The following C5AR2 variants were observed in gnomAD, a reference collection of about 807,000 sequenced individuals.
C5AR2 encodes complement C5a receptor 2, also known as C5a anaphylatoxin chemotactic receptor 2.
For missense variants in C5AR2, 458 were observed against 467.5 expected (o/e 0.98, Z 0.19); for synonymous variants, 224 against 216.5 (o/e 1.03, Z -0.30).
rs1568670327 is a variant in C5AR2, at chr19:47,340,848, TCGGACCGCC to T, written c.51_59del (p.Asp18_Pro20del). 4 of 1,613,652 alleles carry T rather than the reference TCGGACCGCC, an allele frequency of 2.5e-6. No individual in the cohort carries two copies. The highest frequency in any genetic ancestry group is 3.4e-6 in the Non-Finnish European group (4 of 1,180,000). ...CGAGTATGGGGATTACAGCGACCTC[TCGGACCGCC>T]CTGTGGACTGCCTGGATGGCGCCTG... On this transcript the variant is annotated inframe_deletion, in exon 2 of 2. Transcript: ENST00000595464.
At chr19:47,338,882 G>A (rs1489107798) in intron 1 of C5AR2, among the ~76,000 whole-genome samples, 1 of 151,064 alleles carries the variant, frequency 6.6e-6, no homozygotes, top group African/African-American at 2.4e-5. Context: ...GGCCCGACAT[G>A]GTGGCTCACG....
Position 47,341,830 on chromosome 19 carries a change from G to T in C5AR2, c.*17G>T. ...GAGGTGTAGGCTGGAGAGACATTGT[G>T]GGTGTGTATCTTCTTATCTCATTTC... is the stretch of plus-strand genomic sequence containing the variant. On this transcript the variant is annotated 3_prime_UTR_variant, in exon 2 of 2. Coordinates refer to ENST00000595464, the MANE Select transcript of C5AR2 (RefSeq NM_001271749.2). This position sits in a 1 kb window ranked among gnomAD's most constrained non-coding sequence, Gnocchi z 4.6. 6.2e-7 allele frequency: 1 copy of T among 1,609,322 alleles called. No individual in the cohort carries two copies. Among genetic ancestry groups the T allele is most frequent in the South Asian group, 1.1e-5 (1 of 90,856 alleles).
In C5AR2 at chr19:47,340,985, G is replaced by C. The variant is rs1379247410; in HGVS notation, c.186G>C (p.Lys62Asn). ...GNAMVAWVAG[K>N]VARRRVGATW... ...CCATGGTGGCCTGGGTGGCTGGGAA[G>C]GTGGCCCGCCGGAGGGTGGGTGCCA... The change falls in exon 2 of 2, where the codon AAG (lysine) becomes AAC (asparagine). Residue 62 changes from lysine to asparagine, a missense_variant. By Grantham distance (94) the Lys-to-Asn change is moderately conservative (BLOSUM62 0). Coordinates refer to ENST00000595464, the MANE Select transcript of C5AR2 (RefSeq NM_001271749.2). 1.2e-6 allele frequency: 2 copies of C among 1,610,488 alleles called. No homozygotes were observed. The highest frequency in any genetic ancestry group is 2.7e-5 in the African/African-American group (2 of 74,954).
At chr19:47,333,054 G>T (rs1196868664) in intron 1 of C5AR2, among the ~76,000 whole-genome samples, 1 of 151,914 alleles carries the variant, frequency 6.6e-6, no homozygotes, top group Non-Finnish European at 1.5e-5. Context: ...TCCCAGGCTG[G>T]AGTGCAGTGG....
rs370448657 is a variant in C5AR2, at chr19:47,341,320, G to T, written c.521G>T (p.Arg174Leu). 1.2e-6 allele frequency: 2 copies of T among 1,610,810 alleles called. No homozygotes were observed. Among genetic ancestry groups the T allele is most frequent in the Non-Finnish European group, 1.7e-6 (2 of 1,179,858 alleles). ...LLTVPSAIYR[R>L]LHQEHFPARL... ...ACCGTGCCCTCCGCCATCTACCGCC[G>T]GCTGCACCAGGAGCACTTCCCAGCC... The change falls in exon 2 of 2, where the codon CGG becomes CTG. Residue 174 changes from arginine to leucine, a missense_variant. By Grantham distance (102) the Arg-to-Leu change is moderately radical. Transcript: ENST00000595464. This position sits in a 1 kb window ranked among gnomAD's most constrained non-coding sequence, Gnocchi z 4.6.
At position 47,339,647 on chromosome 19, in the gene C5AR2, C is replaced by T. The variant is rs191630858; in HGVS notation, c.-15-1138C>T. Among the ~76,000 whole-genome samples, 6 of 152,268 alleles carry T rather than the reference C, an allele frequency of 3.9e-5. No homozygotes were observed. In the East Asian group the frequency reaches 1.2e-3, roughly 29 times the overall value. ...TGACTCTGCTATTGCCTCTCACCCT[C>T]TCCCTCTGGCAGATTCCACTCCAGC... On this transcript the variant is annotated intron_variant, in intron 1 of 1. Coordinates refer to ENST00000595464, the MANE Select transcript of C5AR2 (RefSeq NM_001271749.2).
chr19:47,338,882 G>T (rs1489107798), intron 1 of C5AR2, among the ~76,000 whole-genome samples: 2 of 151,064 alleles, frequency 1.3e-5, no homozygotes, highest in Admixed American at 1.3e-4. Context: ...GGCCCGACAT[G>T]GTGGCTCACG....
At chr19:47,334,192 G>C (rs1239945022) in intron 1 of C5AR2, among the ~76,000 whole-genome samples, 1 of 151,922 alleles carries the variant, frequency 6.6e-6, no homozygotes, top group South Asian at 2.1e-4. Context: ...TTGTGTTGAG[G>C]GTTATATCTT....
At chr19:47,336,457 C>A (rs1054673644) in intron 1 of C5AR2, among the ~76,000 whole-genome samples, 1 of 136,408 alleles carries the variant, frequency 7.3e-6, no homozygotes, top group Non-Finnish European at 1.5e-5. Context: ...TCCTTCCTTC[C>A]TTCCTTCCTT....
At chr19:47,333,291 CA>C (rs1165944781) in intron 1 of C5AR2, among the ~76,000 whole-genome samples, 2 of 152,210 alleles carry the variant, frequency 1.3e-5, no homozygotes, top group African/African-American at 4.8e-5. Flanking sequence ...AGGCGTGAAT[CA>C]CCGTGCCTGG....
rs780213113 is a variant in C5AR2 at position 47,341,388 on chromosome 19, G to C, written c.589G>C (p.Glu197Gln). The C allele has an allele frequency of 3.1e-6, 5 of 1,612,340 alleles. No homozygotes were observed. In the Admixed American group the frequency reaches 6.7e-5, roughly 21 times the overall value. Residue 197 changes from glutamate (E) to glutamine (Q), a missense_variant, in exon 2 of 2, where the codon GAG (glutamate) becomes CAG (glutamine). By Grantham distance (29) the Glu-to-Gln change is conservative. Transcript: ENST00000595464. The surrounding 1 kb of genome is among the most constrained non-coding windows in gnomAD (Gnocchi z 4.6). ...VVDYGGSSSTENAVTAIRFLF... is the reference protein window; with the variant it reads ...VVDYGGSSSTQNAVTAIRFLF... ...GGACTACGGCGGCTCCTCCAGCACC[G>C]AGAATGCGGTGACTGCCATCCGGTT...
intron 1 of C5AR2, among the ~76,000 whole-genome samples, chr19:47,337,487 C>A (rs893596675): frequency 6.6e-6 from 1 of 151,858 alleles, no homozygotes; most frequent in Admixed American, 6.6e-5. Context: ...TATGATGAAA[C>A]CCCGTATCTA....
intron 1 of C5AR2, among the ~76,000 whole-genome samples, chr19:47,335,292 C>A (rs992992841): frequency 6.6e-6 from 1 of 151,736 alleles, no homozygotes; most frequent in Admixed American, 6.6e-5. Flanking sequence ...GCTTTGAGGA[C>A]GAATGGGGTT....
At chr19:47,340,157 A>G (rs947136977) in intron 1 of C5AR2, among the ~76,000 whole-genome samples, 2 of 151,608 alleles carry the variant, frequency 1.3e-5, no homozygotes, top group Non-Finnish European at 1.5e-5. Flanking sequence ...GGGTCTCCCT[A>G]TGTTGCCCAG....
chr19:47,341,891 C>A lies in C5AR2; in HGVS notation c.*78C>A. On this transcript the variant is annotated 3_prime_UTR_variant, in exon 2 of 2. Coordinates refer to ENST00000595464, the MANE Select transcript of C5AR2 (RefSeq NM_001271749.2). This position sits in a 1 kb window ranked among gnomAD's most constrained non-coding sequence, Gnocchi z 4.6. Reference sequence around the variant, plus strand: ...CTTCAGGCATAGCTGGATCCAGGAGCTCAATGATGTCTTCATTTTATTCCT... The same window carrying A: ...CTTCAGGCATAGCTGGATCCAGGAGATCAATGATGTCTTCATTTTATTCCT... 3.1e-6 allele frequency: 4 copies of A among 1,301,534 alleles called. No homozygotes were observed. Among genetic ancestry groups the A allele is most frequent in the Non-Finnish European group, 3.3e-6 (3 of 922,622 alleles). 80.6% of individuals were successfully genotyped at this position (1,301,534 alleles called of 1,614,324 possible). A position where few individuals can be genotyped will look rare whatever the true frequency, so the allele number is the denominator to read the frequency against.
Position 47,341,960 on chromosome 19 carries a change from G to A in C5AR2, c.*147G>A, listed in dbSNP as rs898269419. On this transcript the variant is annotated 3_prime_UTR_variant, in exon 2 of 2. Coordinates refer to ENST00000595464, the MANE Select transcript of C5AR2 (RefSeq NM_001271749.2). This position sits in a 1 kb window ranked among gnomAD's most constrained non-coding sequence, Gnocchi z 4.6. ...TCCATCATGCACTTGCTATGTGCAAGGCCTTTTTAGGCACTAGAGATATAG... is the reference window on the plus strand; with the variant it reads ...TCCATCATGCACTTGCTATGTGCAAAGCCTTTTTAGGCACTAGAGATATAG... The A allele has an allele frequency of 2.7e-6, 2 of 752,136 alleles. No individual in the cohort carries two copies. Among genetic ancestry groups the A allele is most frequent in the Non-Finnish European group, 4.3e-6 (2 of 460,106 alleles). The allele number at this position is 752,136 out of a possible 1,614,324, so 46.6% of individuals were successfully genotyped here.
Position 47,341,619 on chromosome 19 carries a change from C to G in C5AR2, c.820C>G (p.Pro274Ala). The change falls in exon 2 of 2, where the codon CCC becomes GCC. Residue 274 changes from proline to alanine, a missense_variant. Coordinates refer to ENST00000595464, the MANE Select transcript of C5AR2 (RefSeq NM_001271749.2). The surrounding 1 kb of genome is among the most constrained non-coding windows in gnomAD (Gnocchi z 4.6). ...CCTGGCCAGGGCCCTGCGGGCTGAA[C>G]CCCTCATCGTGGGCCTTGCCCTCGC... ...ALLARALRAE[P>A]LIVGLALAHS... 1 of 1,613,994 alleles carries G rather than the reference C, an allele frequency of 6.2e-7. No individual in the cohort carries two copies. Among genetic ancestry groups the G allele is most frequent in the Non-Finnish European group, 8.5e-7 (1 of 1,179,976 alleles).
intron 1 of C5AR2, among the ~76,000 whole-genome samples, chr19:47,337,731 TG>T: frequency 6.6e-6 from 1 of 152,068 alleles, no homozygotes; most frequent in East Asian, 1.9e-4. Flanking sequence ...GTGCCTTATC[TG>T]TAGAATAAAT....
In C5AR2 at chr19:47,343,100, A is replaced by G. The variant is rs1377172588; in HGVS notation, c.*1287A>G. The G allele has an allele frequency of 4.6e-5, 7 of 152,260 alleles. No homozygotes were observed. In the East Asian group the frequency reaches 5.8e-4, roughly 13 times the overall value. The allele number at this position is 152,260 out of a possible 1,614,324, so 9.4% of individuals were successfully genotyped here. On this transcript the variant is annotated 3_prime_UTR_variant, in exon 2 of 2. Transcript: ENST00000595464. The stretch of plus-strand genomic sequence containing the variant: ...ATCCTGGATTGTCTGGGTGGGCTCA[A>G]TGGAGTCACGAGGGTCCTTTTAAGA...
Sources: allele counts gnomAD v4.1 joint callset (sites outside exome capture counted in the v4.1 genomes callset), GRCh38; gene constraint gnomAD v4.1.1; non-coding constraint Gnocchi (gnomAD v3.1); transcripts MANE v1.5; gene names NCBI Gene and HGNC (gene_info 2026-07-23, HGNC 2026-07-21).